The following MRTFA variants were observed in gnomAD, a reference collection of about 807,000 sequenced individuals.
MRTFA encodes the protein myocardin-related transcription factor A.
Under a neutral mutation model 83.5 loss-of-function variants are expected in MRTFA, and 20 were observed. That is an observed-to-expected ratio of 0.24 (90% CI 0.17 to 0.35). The LOEUF (loss-of-function observed/expected upper bound fraction) is 0.35. MRTFA is among the 10% of genes least tolerant of loss of function. The pLI is 1.00. For synonymous variants in MRTFA, 659 were observed against 541.2 expected (o/e 1.22, Z -3.02); for missense variants, 1,200 against 1,224.7 (o/e 0.98, Z 0.30).
rs1050845322 is a variant in MRTFA, at chr22:40,619,908, A to G, written c.-84+16570T>C. ...CCGTCTCAAAAAAAAAAAAAAAAAA[A>G]AGAAATCAGTACTTGATGATTTGGG... On this transcript the variant is annotated intron_variant, in intron 1 of 14. Coordinates refer to ENST00000355630, the MANE Select transcript of MRTFA (RefSeq NM_020831.6). Among the ~76,000 whole-genome samples the G allele has an allele frequency of 1.4e-3, 206 of 151,290 alleles. 1 individual carries two copies. The highest frequency in any genetic ancestry group is 2.2e-3 in the Admixed American group (34 of 15,182).
chr22:40,516,036 C>T (rs2054752153), intron 3 of MRTFA, among the ~76,000 whole-genome samples: 1 of 152,174 alleles, frequency 6.6e-6, no homozygotes, highest in Non-Finnish European at 1.5e-5. Context: ...CAAAAGCCTA[C>T]ATGCAAGAGG....
chr22:40,459,828 T>TAC (rs1334882705), intron 4 of MRTFA, among the ~76,000 whole-genome samples: 1 of 91,036 alleles, frequency 1.1e-5, no homozygotes, highest in South Asian at 3.7e-4. Flanking sequence ...CACACATATA[T>TAC]ACATATATAT....
At chr22:40,538,376 C>G (rs925892554) in intron 3 of MRTFA, among the ~76,000 whole-genome samples, 4 of 148,240 alleles carry the variant, frequency 2.7e-5, no homozygotes, top group Admixed American at 6.9e-5. Flanking sequence ...GCAGCATGCT[C>G]GTTAAGAGTC....
At position 40,435,562 on chromosome 22, in the gene MRTFA, G is replaced by A; in HGVS notation, c.308-8C>T. 6.2e-7 allele frequency: 1 copy of A among 1,614,106 alleles called. No individual in the cohort carries two copies. Among genetic ancestry groups the A allele is most frequent in the South Asian group, 1.1e-5 (1 of 91,084 alleles). On this transcript the variant is annotated splice_region_variant and splice_polypyrimidine_tract_variant and intron_variant, in intron 4 of 14. Coordinates refer to ENST00000355630, the MANE Select transcript of MRTFA (RefSeq NM_020831.6). ...CGGCTGGACTTTTCAAAGCTGTTGA[G>A]AGAAGAACCGTAAAGATTACCTTCA...
Position 40,421,163 on chromosome 22 carries a change from G to C in MRTFA, c.928-63C>G. 3.3e-6 allele frequency: 5 copies of C among 1,494,654 alleles called. 1 individual carries two copies. The allele number at this position is 1,494,654 out of a possible 1,614,324, so 92.6% of individuals were successfully genotyped here. A position where few individuals can be genotyped will look rare whatever the true frequency, so the allele number is the denominator to read the frequency against. On this transcript the variant is annotated intron_variant, in intron 9 of 14. Transcript: ENST00000355630. ...CCTCAGGCTTCTCGGGGTGGGGCTG[G>C]CAACTCTCCCCACACCTGTGTGGCT...
At chr22:40,431,877 C>A (rs1451328326) in intron 5 of MRTFA, among the ~76,000 whole-genome samples, 1 of 152,208 alleles carries the variant, frequency 6.6e-6, no homozygotes, top group African/African-American at 2.4e-5. Flanking sequence ...TCTAGTTATT[C>A]TTCCATGCAG....
At chr22:40,606,932 G>A (rs2056324599) in intron 1 of MRTFA, among the ~76,000 whole-genome samples, 2 of 152,166 alleles carry the variant, frequency 1.3e-5, no homozygotes, top group Non-Finnish European at 2.9e-5. Flanking sequence ...GCTCAGGAGT[G>A]TCTTGTAAGT....
chr22:40,419,226 G>A lies in MRTFA; in HGVS notation c.1512C>T (p.Gly504=), dbSNP rs543409705. 3.6e-5 allele frequency: 58 copies of A among 1,606,166 alleles called. No homozygotes were observed. The highest frequency in any genetic ancestry group is 5.1e-5 in the Admixed American group (3 of 58,824). The change falls in exon 12 of 15, where the codon GGC becomes GGT. Residue 504 remains glycine, a synonymous_variant. Transcript: ENST00000355630. ...CCGCTGGGAAGGCTACCACCACCTC[G>A]CCAGCCTTGTGCAGGATAGAGGTGG...
At chr22:40,625,786 A>G (rs2056575243) in intron 1 of MRTFA, among the ~76,000 whole-genome samples, 1 of 152,196 alleles carries the variant, frequency 6.6e-6, no homozygotes, top group Admixed American at 6.5e-5. Flanking sequence ...CGTCTCATAA[A>G]TGAAAATAAA....
Position 40,418,770 on chromosome 22 carries a change from C to A in MRTFA, c.1968G>T (p.Glu656Asp). Reference sequence around the variant, plus strand: ...CGGGCTGCTGGGCTCGCTTCTCCTGCTCCAGCTGCAGCTTGAGCCGCTCCA... The same window carrying A: ...CGGGCTGCTGGGCTCGCTTCTCCTGATCCAGCTGCAGCTTGAGCCGCTCCA... Residue 656 changes from glutamate to aspartate, a missense_variant, in exon 12 of 15, where the codon GAG (glutamate) becomes GAT (aspartate). By Grantham distance (45) the Glu-to-Asp change is conservative. Transcript: ENST00000355630. 3 of 1,563,830 alleles carry A rather than the reference C, an allele frequency of 1.9e-6. No homozygotes were observed. Among genetic ancestry groups the A allele is most frequent in the East Asian group, 2.3e-5 (1 of 42,706 alleles).
At chr22:40,420,075 G>A (rs2052796070) in intron 11 of MRTFA, among the ~76,000 whole-genome samples, 1 of 152,200 alleles carries the variant, frequency 6.6e-6, no homozygotes, top group Admixed American at 6.5e-5. Context: ...CCTCAAAGGG[G>A]CACCAATCCC....
Position 40,449,588 on chromosome 22 carries a change from T to C in MRTFA, c.307+13633A>G, listed in dbSNP as rs143513435. Among the ~76,000 whole-genome samples, 44 of 152,306 alleles carry C rather than the reference T, an allele frequency of 2.9e-4. No individual in the cohort carries two copies. In the Middle Eastern group the frequency reaches 0.01, roughly 35 times the overall value. On this transcript the variant is annotated intron_variant, in intron 4 of 14. Transcript: ENST00000355630. ...CTAAAGCCACTAAATTCGGAAAACA[T>C]TGCTTCCCTAATCTAACAAAGGCAA...
intron 1 of MRTFA, among the ~76,000 whole-genome samples, chr22:40,624,825 C>G (rs1038937110): frequency 1.3e-5 from 2 of 152,152 alleles, no homozygotes; most frequent in Non-Finnish European, 2.9e-5. Context: ...ATAAGTCATG[C>G]CTGGTTTCCA....
chr22:40,537,001 CG>C (rs2055191511), intron 3 of MRTFA, among the ~76,000 whole-genome samples: 1 of 66,398 alleles, frequency 1.5e-5, no homozygotes, highest in Non-Finnish European at 3.0e-5. Flanking sequence ...CCACCCCGTC[CG>C]GGAGGGAGGT....
At chr22:40,439,742 G>A (rs2053239353) in intron 4 of MRTFA, among the ~76,000 whole-genome samples, 1 of 152,126 alleles carries the variant, frequency 6.6e-6, no homozygotes, top group South Asian at 2.1e-4. Flanking sequence ...GAGAATCATC[G>A]TTCAAAACCT....
At chr22:40,578,158 G>T (rs1186067664) in intron 2 of MRTFA, among the ~76,000 whole-genome samples, 2 of 149,780 alleles carry the variant, frequency 1.3e-5, no homozygotes, top group Admixed American at 6.6e-5. Flanking sequence ...TTCACCATGT[G>T]GGCCAGGCTG....
chr22:40,476,155 A>AAGG (rs1356939389), intron 3 of MRTFA, among the ~76,000 whole-genome samples: 5 of 144,864 alleles, frequency 3.5e-5, no homozygotes, highest in South Asian at 2.4e-4. Flanking sequence ...AAAAAAAAAA[A>AAGG]GGGGGGGGGT....
chr22:40,425,621 C>G (rs1792448742), intron 7 of MRTFA, among the ~76,000 whole-genome samples: 1 of 152,214 alleles, frequency 6.6e-6, no homozygotes, highest in African/African-American at 2.4e-5. Flanking sequence ...CCTCATCTGT[C>G]CCAGCAGGGG....
chr22:40,500,983 C>T (rs2054460095), intron 3 of MRTFA, among the ~76,000 whole-genome samples: 1 of 135,912 alleles, frequency 7.4e-6, no homozygotes, highest in Non-Finnish European at 1.6e-5. Context: ...GGCAGAGGCG[C>T]CCCTCACCTC....
Sources: allele counts gnomAD v4.1 joint callset (sites outside exome capture counted in the v4.1 genomes callset), GRCh38; gene constraint gnomAD v4.1.1; transcripts MANE v1.5; gene names NCBI Gene and HGNC (gene_info 2026-07-23, HGNC 2026-07-21).